The following CD300E variants were observed in gnomAD, a reference collection of about 807,000 sequenced individuals.
CD300E encodes CMRF35-like molecule 2.
In CD300E, 14 loss-of-function variants were observed where a neutral mutation model predicts 20.9. The observed-to-expected ratio is 0.67, with a 90% CI of 0.44 to 1.05. The LOEUF is 1.05. Among genes scored for constraint, CD300E ranks in the 50% least tolerant of loss-of-function variants. The pLI is 0.00. For missense variants in CD300E, 237 were observed against 253.9 expected (o/e 0.93, Z 0.45); for synonymous variants, 102 against 103.7 (o/e 0.98, Z 0.10).
In CD300E at chr17:74,612,235, C is replaced by CTCTCTG. The variant is rs1245683327; in HGVS notation, c.*417_*418insCAGAGA. The CTCTCTG allele has an allele frequency of 0.022, 2,982 of 138,118 alleles. 70 individuals carry two copies. The highest frequency in any genetic ancestry group is 0.07 in the East Asian group (331 of 4,728). The allele number at this position is 138,118 out of a possible 1,614,324, so 8.6% of individuals were successfully genotyped here. ...TCTCTCTCTCTCTCGCTCTCTCTCTCTCTCTCTCTCTGTCTCTCTCTCTCT... is the reference window on the plus strand; with the variant it reads ...TCTCTCTCTCTCTCGCTCTCTCTCTCTCTCTGTCTCTCTCTCTGTCTCTCTCTCTCT... On this transcript the variant is annotated 3_prime_UTR_variant, in exon 4 of 4. Transcript: ENST00000392619.
chr17:74,614,581 C>T (rs1361699660), intron 2 of CD300E, among the ~76,000 whole-genome samples: 1 of 151,002 alleles, frequency 6.6e-6, no homozygotes, highest in Non-Finnish European at 1.5e-5. Context: ...CTCCCGGGTT[C>T]AAGCGATTCT....
At chr17:74,618,727 A>G (rs1332465487) in intron 1 of CD300E, among the ~76,000 whole-genome samples, 2 of 151,724 alleles carry the variant, frequency 1.3e-5, no homozygotes, top group Non-Finnish European at 2.9e-5. Context: ...CACCCCACCA[A>G]CCATGCTTGG....
In CD300E at chr17:74,613,947, C is replaced by T; in HGVS notation, c.475G>A (p.Glu159Lys). Reference sequence around the variant, plus strand: ...TACCCTGAATTTTGGGTCAACACCTCCCCGGTGCTGAGGTTTCGCCCAGGG... The same window carrying T: ...TACCCTGAATTTTGGGTCAACACCTTCCCGGTGCTGAGGTTTCGCCCAGGG... ...VNPGRNLSTG[E>K]VLTQNSGFRL... is the part of the protein sequence containing the mutation. Residue 159 changes from glutamate (E) to lysine (K), a missense_variant, in exon 3 of 4, where the codon GAG (glutamate) becomes AAG (lysine). Transcript: ENST00000392619. The T allele has an allele frequency of 6.2e-7, 1 of 1,613,452 alleles. No homozygotes were observed. Among genetic ancestry groups the T allele is most frequent in the South Asian group, 1.1e-5 (1 of 90,934 alleles).
chr17:74,619,613 C>G (rs1166255771), intron 1 of CD300E, among the ~76,000 whole-genome samples: 1 of 152,094 alleles, frequency 6.6e-6, no homozygotes, highest in Non-Finnish European at 1.5e-5. Flanking sequence ...CTCAATCACA[C>G]ACACACACAC....
In CD300E at chr17:74,623,464, G is replaced by A. The variant is rs948480343; in HGVS notation, c.40+118C>T. 4.6e-5 allele frequency: 42 copies of A among 907,672 alleles called. No homozygotes were observed. In the East Asian group the frequency reaches 5.3e-4, roughly 12 times the overall value. The allele number at this position is 907,672 out of a possible 1,614,324, so 56.2% of individuals were successfully genotyped here. On this transcript the variant is annotated intron_variant, in intron 1 of 3. Coordinates refer to ENST00000392619, the MANE Select transcript of CD300E (RefSeq NM_181449.3). ...TAGAAGGATGCACAGGTGAATGAAC[G>A]GATGTATCTTTCCCTTTTCTGTGGA... is the stretch of plus-strand genomic sequence containing the variant.
chr17:74,619,762 T>C (rs2030980610), intron 1 of CD300E, among the ~76,000 whole-genome samples: 2 of 152,156 alleles, frequency 1.3e-5, no homozygotes, highest in South Asian at 2.1e-4. Context: ...CTCTATTGGG[T>C]AAATCTCCAG....
intron 2 of CD300E, among the ~76,000 whole-genome samples, chr17:74,614,287 C>T (rs1396647143): frequency 3.3e-5 from 5 of 152,032 alleles, no homozygotes; most frequent in Non-Finnish European, 7.4e-5. Context: ...TACCACTCTG[C>T]CCACTCTGCC....
rs1370238540 is a variant in CD300E at position 74,612,213 on chromosome 17, C to T, written c.*440G>A. 1 of 141,908 alleles carries T rather than the reference C, an allele frequency of 7.0e-6. No homozygotes were observed. The highest frequency in any genetic ancestry group is 3.0e-5 in the African/African-American group (1 of 33,188). 8.8% of individuals were successfully genotyped at this position (141,908 alleles called of 1,614,324 possible). On this transcript the variant is annotated 3_prime_UTR_variant, in exon 4 of 4. Transcript: ENST00000392619. ...TTCCTCCGTCCTTTTCTCTCTCTCT[C>T]TCTCTCTCTCGCTCTCTCTCTCTCT...
At chr17:74,612,960 C>CG (rs1568033073) in intron 3 of CD300E, among the ~76,000 whole-genome samples, 187 bp from the exon 4 acceptor site, 1 of 152,148 alleles carries the variant, frequency 6.6e-6, no homozygotes, top group East Asian at 1.9e-4. Flanking sequence ...AAGGACTGCC[C>CG]GGGGGGTCTC....
chr17:74,617,455 A>G lies in CD300E; in HGVS notation c.51T>C (p.Ser17=). 1 of 1,611,978 alleles carries G rather than the reference A, an allele frequency of 6.2e-7. No homozygotes were observed. Among genetic ancestry groups the G allele is most frequent in the Non-Finnish European group, 8.5e-7 (1 of 1,179,452 alleles). Residue 17 remains serine, a synonymous_variant, in exon 2 of 4, where the codon TCT becomes TCC. Transcript: ENST00000392619. ...CAGTCACAGAGCCGGGGCCCTTCAG[A>G]GACAAACAGCCTGGAAAACACAAGC... The part of the protein sequence containing the change: ...LLLLCLSGCL[S]LKGPGSVTGT...
At position 74,614,018 on chromosome 17, in the gene CD300E, C is replaced by T. The variant is rs2030845801; in HGVS notation, c.404G>A (p.Arg135Lys). 2 of 1,613,832 alleles carry T rather than the reference C, an allele frequency of 1.2e-6. No individual in the cohort carries two copies. The highest frequency in any genetic ancestry group is 1.7e-6 in the Non-Finnish European group (2 of 1,179,820). ...AGGTGTGGCTGGATGTGTGGTCCTC[C>T]TTGGGGTTGTAATTGCTGTTGGAGA... ...VYVSPAITTP[R>K]RTTHPATPPI... The change falls in exon 3 of 4, where the codon AGG (arginine) becomes AAG (lysine). Residue 135 changes from arginine to lysine, a missense_variant. By Grantham distance (26) the Arg-to-Lys change is conservative. Transcript: ENST00000392619.
chr17:74,617,274 T>G lies in CD300E; in HGVS notation c.232A>C (p.Ile78Leu). Residue 78 changes from isoleucine (I) to leucine (L), a missense_variant, in exon 2 of 4, where the codon ATC becomes CTC. Ile to Leu is a conservative substitution (Grantham distance 5, BLOSUM62 2). Transcript: ENST00000392619. ...EKVERNGRVS[I>L]RDHPEALAFT... is the part of the protein sequence containing the mutation. ...GCGAGAGCCTCCGGGTGGTCTCTGA[T>G]GGACACGCGGCCATTCCTCTCCACC... The G allele has an allele frequency of 6.2e-7, 1 of 1,614,230 alleles. No individual in the cohort carries two copies. The highest frequency in any genetic ancestry group is 2.2e-5 in the East Asian group (1 of 44,886).
chr17:74,621,304 A>G (rs2031016771), intron 1 of CD300E, among the ~76,000 whole-genome samples: 1 of 152,164 alleles, frequency 6.6e-6, no homozygotes, highest in Non-Finnish European at 1.5e-5. Flanking sequence ...TAGTTCATGG[A>G]TTGGCCAGTG....
chr17:74,617,557 G>A (rs371395614), intron 1 of CD300E, 92 bp from the exon 2 acceptor site: 1 of 1,095,292 alleles, frequency 9.1e-7, no homozygotes, highest in Admixed American at 2.2e-5. Context: ...TTGCCAGGGA[G>A]ACCTGGGTGT....
chr17:74,617,011 C>T (rs1051223473), intron 2 of CD300E, 107 bp downstream of exon 2: 1 of 960,644 alleles, frequency 1.0e-6, no homozygotes, highest in Non-Finnish European at 1.6e-6. Context: ...ACCACTGTGA[C>T]TGAGGACAAG....
chr17:74,612,685 T>G lies in CD300E; in HGVS notation c.586A>C (p.Asn196His). The change falls in exon 4 of 4, where the codon AAC becomes CAC. Residue 196 changes from asparagine to histidine, a missense_variant. Physicochemically the swap from Asn to His is moderately conservative, Grantham distance 68. Coordinates refer to ENST00000392619, the MANE Select transcript of CD300E (RefSeq NM_181449.3). ...CCAGGAGGAGCCCACTGAGGCCTGT[T>G]CACCCAGAAGACAGCACCCAGCATG... The part of the protein sequence containing the change: ...LSMLGAVFWV[N>H]RPQWAPPGR The G allele has an allele frequency of 2.5e-6, 4 of 1,613,812 alleles. No individual in the cohort carries two copies. Among genetic ancestry groups the G allele is most frequent in the Non-Finnish European group, 3.4e-6 (4 of 1,179,950 alleles).
intron 1 of CD300E, chr17:74,619,486 G>C (rs1041126987): frequency 1.1e-5 from 2 of 188,794 alleles, no homozygotes; most frequent in African/African-American, 4.7e-5. Flanking sequence ...AGCTGGCCTG[G>C]CCTTCTGCCC....
rs947585061 is a variant in CD300E, at chr17:74,612,727, G to A, written c.544C>T (p.Leu182=). The A allele has an allele frequency of 6.2e-7, 1 of 1,613,920 alleles. No individual in the cohort carries two copies. Among genetic ancestry groups the A allele is most frequent in the East Asian group, 2.2e-5 (1 of 44,884 alleles). Residue 182 remains leucine, a synonymous_variant, in exon 4 of 4, where the codon CTG becomes TTG. Transcript: ENST00000392619. ...CCCAGCATGCTCAGGAGCAGGGGCA[G>A]CTTCAGAAGGACCACGAGCAGGAAG... ...PHFLLVVLLK[L]PLLLSMLGAV...
At chr17:74,622,585 C>T (rs1315296699) in intron 1 of CD300E, among the ~76,000 whole-genome samples, 1 of 152,098 alleles carries the variant, frequency 6.6e-6, no homozygotes, top group Non-Finnish European at 1.5e-5. Context: ...AATTTATTTC[C>T]CCAGAGACAA....
Sources: gnomAD v4.1 joint callset for allele counts (sites outside exome capture counted in the v4.1 genomes callset) on GRCh38, gnomAD v4.1.1 for gene constraint, MANE v1.5 for transcripts, NCBI Gene and HGNC (gene_info 2026-07-23, HGNC 2026-07-21) for gene names.